The following DOCK3 variants were observed in gnomAD, a reference collection of about 807,000 sequenced individuals.
DOCK3 encodes dedicator of cytokinesis protein 3.
A neutral mutation model predicts 265.6 loss-of-function variants in DOCK3; 60 were observed. The ratio of observed to expected loss-of-function variants is 0.23; its 90% CI spans 0.18 to 0.28. DOCK3 has a LOEUF of 0.28. DOCK3 is among the 10% of genes least tolerant of loss of function. The pLI, the probability that DOCK3 is intolerant of heterozygous loss-of-function variation, is 1.00. For missense variants in DOCK3, 1,981 were observed against 2,594.3 expected, an observed-to-expected ratio of 0.76 and a Z score of 5.14; for synonymous variants, 881 against 938.0, an observed-to-expected ratio of 0.94 and a Z score of 1.11.
intron 1 of DOCK3, among the ~76,000 whole-genome samples, chr3:50,746,232 G>A (rs1044504908): frequency 6.6e-6 from 1 of 150,650 alleles, no homozygotes; most frequent in Non-Finnish European, 1.5e-5. Context: ...TCAGCTTCCT[G>A]AGTAGCTAGG....
Position 51,381,398 on chromosome 3 carries a change from T to C in DOCK3, c.5932T>C (p.Tyr1978His). ...MDPPALPPKP[Y>H]HPRLPALEHD... ...CCCGCCTGCGCTGCCGCCCAAGCCC[T>C]ACCACCCCCGCCTGCCGGCCCTGGA... Residue 1978 changes from tyrosine to histidine, a missense_variant, in exon 53 of 53, where the codon TAC becomes CAC. By Grantham distance (83) the Tyr-to-His change is moderately conservative. This residue lies in a region of DOCK3 where 149 missense variants were observed against 144.7 expected (regional missense o/e 1.03). Coordinates refer to ENST00000266037, the MANE Select transcript of DOCK3 (RefSeq NM_004947.5). This position sits in a 1 kb window ranked among gnomAD's most constrained non-coding sequence, Gnocchi z 5.6. 6.2e-7 allele frequency: 1 copy of C among 1,612,276 alleles called. No individual in the cohort carries two copies. Among genetic ancestry groups the C allele is most frequent in the African/African-American group, 1.3e-5 (1 of 75,010 alleles).
intron 12 of DOCK3, among the ~76,000 whole-genome samples, chr3:51,170,873 G>A (rs1480220004): frequency 6.7e-6 from 1 of 149,718 alleles, no homozygotes; most frequent in Non-Finnish European, 1.5e-5. Context: ...AACCCAGGAG[G>A]CAGAGATTGC....
chr3:50,986,372 C>A (rs1387345241), intron 5 of DOCK3, among the ~76,000 whole-genome samples: 2 of 152,216 alleles, frequency 1.3e-5, no homozygotes, highest in African/African-American at 4.8e-5. Flanking sequence ...CTGTGACATA[C>A]TTCTCCAAGA....
At chr3:50,774,772 G>T (rs2041489994) in intron 1 of DOCK3, among the ~76,000 whole-genome samples, 1 of 151,878 alleles carries the variant, frequency 6.6e-6, no homozygotes, top group Non-Finnish European at 1.5e-5. Context: ...TAACCTTAGT[G>T]ATAAAATGTT....
intron 4 of DOCK3, among the ~76,000 whole-genome samples, chr3:50,906,309 T>A (rs1401719158): frequency 1.3e-5 from 2 of 152,102 alleles, no homozygotes; most frequent in Admixed American, 1.3e-4. Context: ...TGTCTTTTTC[T>A]ATTGATTGGA....
intron 4 of DOCK3, among the ~76,000 whole-genome samples, chr3:50,926,606 T>A (rs2050772298): frequency 1.3e-5 from 2 of 152,124 alleles, no homozygotes; most frequent in Admixed American, 1.3e-4. Context: ...TAGATGAAAG[T>A]GGGACTTGAA....
At chr3:51,100,164 C>G (rs897246089) in intron 9 of DOCK3, among the ~76,000 whole-genome samples, 2 of 152,190 alleles carry the variant, frequency 1.3e-5, no homozygotes, top group Non-Finnish European at 2.9e-5. Context: ...GTGGAGTAAG[C>G]CCCTGACAGT....
intron 5 of DOCK3, among the ~76,000 whole-genome samples, chr3:50,952,628 C>T (rs1262333196): frequency 1.3e-5 from 2 of 152,156 alleles, no homozygotes; most frequent in African/African-American, 2.4e-5. Context: ...TCACAACTTC[C>T]ACCCAGGAGA....
chr3:50,714,081 A>C (rs1200832902), intron 1 of DOCK3, among the ~76,000 whole-genome samples: 2 of 152,066 alleles, frequency 1.3e-5, no homozygotes, highest in Non-Finnish European at 2.9e-5. Flanking sequence ...TGCAGCCTCA[A>C]ACTCCTGGGG....
At position 51,380,141 on chromosome 3, in the gene DOCK3, C is replaced by T; in HGVS notation, c.5517C>T (p.His1839=). The T allele has an allele frequency of 6.2e-7, 1 of 1,613,724 alleles. No individual in the cohort carries two copies. The highest frequency in any genetic ancestry group is 8.5e-7 in the Non-Finnish European group (1 of 1,179,754). ...CCTTTGCAGGTCATTACTCCCTACA[C>T]TTTGACGCCTTCCACCACCCTCTGG... ...SVAEKGHYSL[H]FDAFHHPLGD... The change falls in exon 52 of 53, where the codon CAC becomes CAT. Residue 1839 remains histidine, a synonymous_variant. Coordinates refer to ENST00000266037, the MANE Select transcript of DOCK3 (RefSeq NM_004947.5).
At chr3:51,328,201 G>C (rs1285355504) in intron 32 of DOCK3, among the ~76,000 whole-genome samples, 1 of 152,120 alleles carries the variant, frequency 6.6e-6, no homozygotes, top group East Asian at 1.9e-4. Context: ...AGGCGCCAGT[G>C]GACTGTTGTA....
intron 24 of DOCK3, among the ~76,000 whole-genome samples, chr3:51,272,443 A>ATTTTTT (rs11371306): frequency 1.5e-5 from 2 of 132,690 alleles, no homozygotes. Context: ...TGCCTGGCTA[A>ATTTTTT]TTTTTTTTTT....
At chr3:51,299,775 T>C (rs1041187881) in intron 27 of DOCK3, among the ~76,000 whole-genome samples, 2 of 152,180 alleles carry the variant, frequency 1.3e-5, no homozygotes, top group African/African-American at 4.8e-5. Flanking sequence ...GGTCTATGTG[T>C]TTGTTTTGGT....
rs938630827 is a variant in DOCK3 at position 50,829,345 on chromosome 3, C to T, written c.122-12330C>T. On this transcript the variant is annotated intron_variant, in intron 2 of 52. Transcript: ENST00000266037. The stretch of plus-strand genomic sequence containing the variant: ...CTCCTAAATGTAATGTGGCTCTGCT[C>T]AGCTTGTCAGCCTCTCAGCTGCTGC... Among the ~76,000 whole-genome samples, 7 of 152,190 alleles carry T rather than the reference C, an allele frequency of 4.6e-5. No homozygotes were observed. In the South Asian group the frequency reaches 8.3e-4, roughly 18 times the overall value.
At chr3:51,371,986 CTG>C (rs2087719708) in intron 49 of DOCK3, among the ~76,000 whole-genome samples, 2 of 152,176 alleles carry the variant, frequency 1.3e-5, no homozygotes, top group Admixed American at 1.3e-4. Flanking sequence ...TCTAAAGGTG[CTG>C]TGTGTTTTTC....
chr3:51,337,624 C>T (rs2084958038), intron 35 of DOCK3, among the ~76,000 whole-genome samples: 2 of 152,228 alleles, frequency 1.3e-5, no homozygotes, highest in African/African-American at 4.8e-5. Context: ...CAGTCTGGTT[C>T]TCATTCTCCT....
At chr3:51,070,634 T>A (rs991650426) in intron 6 of DOCK3, among the ~76,000 whole-genome samples, 1 of 152,238 alleles carries the variant, frequency 6.6e-6, no homozygotes, top group African/African-American at 2.4e-5. Context: ...AGTATAGTTC[T>A]TATCTGTATG....
intron 22 of DOCK3, among the ~76,000 whole-genome samples, chr3:51,249,928 T>C (rs2079106735): frequency 6.6e-6 from 1 of 151,288 alleles, no homozygotes; most frequent in Non-Finnish European, 1.5e-5. Flanking sequence ...TGTTCTGTAC[T>C]AAGAAAAATT....
chr3:50,979,171 C>T (rs947328370), intron 5 of DOCK3, among the ~76,000 whole-genome samples: 6 of 152,178 alleles, frequency 3.9e-5, no homozygotes, highest in South Asian at 2.1e-4. Flanking sequence ...GGCTCCTCCC[C>T]CAGTGTGTTT....
Sources: allele counts gnomAD v4.1 joint callset (sites outside exome capture counted in the v4.1 genomes callset), GRCh38; gene constraint gnomAD v4.1.1; regional missense constraint gnomAD v4.1.1; non-coding constraint Gnocchi (gnomAD v3.1); transcripts MANE v1.5; gene names NCBI Gene and HGNC (gene_info 2026-07-23, HGNC 2026-07-21).